Variants in MDGA2 observed in about 807,000 individuals in gnomAD.
The protein encoded by MDGA2 is MAM domain containing glycosylphosphatidylinositol anchor 2.
MDGA2 carries 40 observed loss-of-function variants against 117.8 expected under a neutral mutation model. That is an observed-to-expected ratio of 0.34 (90% confidence interval 0.26 to 0.44). The LOEUF is 0.44. MDGA2 is among the 20% of genes least tolerant of loss of function. The probability of loss-of-function intolerance (pLI) is 1.00; values close to 1 mark genes in which losing one functional copy is unlikely to be tolerated. For synonymous variants in MDGA2, 452 were observed against 439.0 expected, an observed-to-expected ratio of 1.03 and a Z score of -0.37; for missense variants, 1,123 against 1,250.6, an observed-to-expected ratio of 0.90 and a Z score of 1.54.
intron 1 of MDGA2, among the ~76,000 whole-genome samples, chr14:47,449,846 G>A (rs547099283): frequency 5.3e-5 from 8 of 151,856 alleles, no homozygotes; most frequent in East Asian, 3.9e-4. Flanking sequence ...ACAAAAACTC[G>A]TCATTTAAAA....
At position 47,460,977 on chromosome 14, in the gene MDGA2, C is replaced by T. The variant is rs549312570; in HGVS notation, c.281-159427G>A. Reference sequence around the variant, plus strand: ...CTATTTATTTCACAGAGTTTTACATCCTATAAAGGAATTCCTTTCAGTTTG... The same window carrying T: ...CTATTTATTTCACAGAGTTTTACATTCTATAAAGGAATTCCTTTCAGTTTG... On this transcript the variant is annotated intron_variant, in intron 1 of 16. Coordinates refer to ENST00000399232, the MANE Select transcript of MDGA2 (RefSeq NM_001113498.3). Among the ~76,000 whole-genome samples the T allele has an allele frequency of 7.2e-5, 11 of 152,138 alleles. 1 individual carries two copies. The highest frequency in any genetic ancestry group is 2.4e-4 in the African/African-American group (10 of 41,510).
chr14:47,190,147 T>C (rs866416275), intron 3 of MDGA2, among the ~76,000 whole-genome samples: 2 of 152,178 alleles, frequency 1.3e-5, no homozygotes, highest in African/African-American at 4.8e-5. Context: ...CTTGTGCAAA[T>C]TGAAACATGC....
chr14:47,400,798 C>T (rs2138460194), intron 1 of MDGA2, among the ~76,000 whole-genome samples: 1 of 89,576 alleles, frequency 1.1e-5, no homozygotes, highest in Middle Eastern at 5.3e-3. Context: ...GCTCTGTCAC[C>T]CAGGCTAGAG....
intron 9 of MDGA2, among the ~76,000 whole-genome samples, chr14:46,925,652 A>AT (rs1435328753): frequency 2.1e-5 from 3 of 143,544 alleles, no homozygotes; most frequent in Non-Finnish European, 4.6e-5. Context: ...AAAAAAAAAA[A>AT]GGAAATAGAA....
At chr14:46,981,107 C>CT (rs1202654367) in intron 8 of MDGA2, among the ~76,000 whole-genome samples, 1 of 151,426 alleles carries the variant, frequency 6.6e-6, no homozygotes, top group African/African-American at 2.4e-5. Context: ...TTTCAAGAGA[C>CT]TTTTTAAGAG....
At chr14:47,346,477 T>A (rs1205163421) in intron 1 of MDGA2, among the ~76,000 whole-genome samples, 1 of 152,176 alleles carries the variant, frequency 6.6e-6, no homozygotes, top group Non-Finnish European at 1.5e-5. Flanking sequence ...TTAGAGGTTA[T>A]CCTAATTGCA....
intron 1 of MDGA2, among the ~76,000 whole-genome samples, chr14:47,426,622 A>G (rs1246125631): frequency 6.6e-6 from 1 of 150,426 alleles, no homozygotes; most frequent in African/African-American, 2.4e-5. Flanking sequence ...TGTAAAAAAC[A>G]TATTTTTTGA....
intron 13 of MDGA2, 174 bp downstream of exon 13, chr14:46,873,871 G>A (rs1476725875): frequency 3.3e-6 from 2 of 605,442 alleles, no homozygotes; most frequent in Non-Finnish European, 5.1e-6. Flanking sequence ...AGTGAAGTCT[G>A]AGAAAAAATT....
chr14:47,612,835 A>G (rs1896877290), intron 1 of MDGA2, among the ~76,000 whole-genome samples: 1 of 152,202 alleles, frequency 6.6e-6, no homozygotes, highest in African/African-American at 2.4e-5. Flanking sequence ...ATTTTAAAAT[A>G]TGGTACTTAT....
chr14:46,983,435 A>G (rs1188432745), intron 8 of MDGA2, among the ~76,000 whole-genome samples: 1 of 152,100 alleles, frequency 6.6e-6, no homozygotes, highest in Non-Finnish European at 1.5e-5. Flanking sequence ...AGAATCTTCA[A>G]TTGGCTTTTC....
chr14:47,167,650 A>C (rs77626777), intron 3 of MDGA2, among the ~76,000 whole-genome samples: 14,011 of 152,164 alleles, frequency 0.092, 764 homozygotes, highest in Admixed American at 0.17. Flanking sequence ...ATTAGATTAC[A>C]AGAGTTAAAG....
chr14:47,470,201 G>A (rs929210774), intron 1 of MDGA2, among the ~76,000 whole-genome samples: 11 of 151,630 alleles, frequency 7.3e-5, no homozygotes, highest in South Asian at 2.1e-4. Flanking sequence ...GTGCCACGGC[G>A]GTTCGCTGCA....
At chr14:47,673,662 G>A (rs959580975) in intron 1 of MDGA2, among the ~76,000 whole-genome samples, 33 of 151,704 alleles carry the variant, frequency 2.2e-4, no homozygotes, top group African/African-American at 8.0e-4. Flanking sequence ...GTGTGTGTGT[G>A]TGTGTGTGCT....
At chr14:47,240,476 A>G (rs546737050) in intron 2 of MDGA2, among the ~76,000 whole-genome samples, 2 of 152,072 alleles carry the variant, frequency 1.3e-5, no homozygotes, top group South Asian at 4.2e-4. Flanking sequence ...TAGTTTATTA[A>G]AAAGTTCAAG....
At chr14:46,999,422 C>T (rs1483873187) in intron 8 of MDGA2, among the ~76,000 whole-genome samples, 1 of 152,040 alleles carries the variant, frequency 6.6e-6, no homozygotes, top group Non-Finnish European at 1.5e-5. Context: ...TTCATCATTA[C>T]TAGCCCAAAT....
At chr14:47,436,270 G>T (rs191649385) in intron 1 of MDGA2, among the ~76,000 whole-genome samples, 80 of 152,220 alleles carry the variant, frequency 5.3e-4, no homozygotes, top group African/African-American at 1.8e-3. Context: ...TTATATAATA[G>T]TTCAGGTGTA....
chr14:47,452,210 T>A (rs2138572477), intron 1 of MDGA2, among the ~76,000 whole-genome samples: 1 of 152,178 alleles, frequency 6.6e-6, no homozygotes, highest in South Asian at 2.1e-4. Context: ...CACATACTGA[T>A]GCATGATGTA....
At chr14:47,200,587 TC>T in intron 3 of MDGA2, 1 of 1,097,768 alleles carries the variant, frequency 9.1e-7, no homozygotes, top group Non-Finnish European at 1.3e-6. Context: ...AGACCAGGAG[TC>T]CGTGAGTCTT....
chr14:47,126,203 T>C (rs1881894223), intron 5 of MDGA2, among the ~76,000 whole-genome samples: 1 of 151,990 alleles, frequency 6.6e-6, no homozygotes, highest in Non-Finnish European at 1.5e-5. Flanking sequence ...AGGTTAAAGA[T>C]ATATATAAAT....
Sources: gnomAD v4.1 joint callset for allele counts (sites outside exome capture counted in the v4.1 genomes callset) on GRCh38, gnomAD v4.1.1 for gene constraint, MANE v1.5 for transcripts, NCBI Gene and HGNC (gene_info 2026-07-23, HGNC 2026-07-21) for gene names.